GABBR2: variants seen among roughly 807,000 people sequenced by gnomAD.
GABBR2 encodes gamma-aminobutyric acid type B receptor subunit 2, also known as G-protein coupled receptor 51.
In GABBR2, 23 loss-of-function variants were observed where a neutral mutation model predicts 105.6. The ratio of observed to expected loss-of-function variants is 0.22; its 90% CI spans 0.16 to 0.31. GABBR2 has a LOEUF of 0.31. Among genes scored for constraint, GABBR2 ranks in the 10% least tolerant of loss-of-function variants. The probability of loss-of-function intolerance (pLI) is 1.00; values close to 1 mark genes in which losing one functional copy is unlikely to be tolerated. For missense variants in GABBR2, 734 were observed against 1,245.5 expected (o/e 0.59, Z 6.18); for synonymous variants, 478 against 499.7 (o/e 0.96, Z 0.58).
At position 98,592,657 on chromosome 9, in the gene GABBR2, A is replaced by G. The variant is rs78993058; in HGVS notation, c.322-14585T>C. On this transcript the variant is annotated intron_variant, in intron 1 of 18. Coordinates refer to ENST00000259455, the MANE Select transcript of GABBR2 (RefSeq NM_005458.8). ...AGAGATAGTGTAAAAGGCCTTGGAAAGCAGTAATAAGTCATCAGGAGAGTG... is the reference window on the plus strand; with the variant it reads ...AGAGATAGTGTAAAAGGCCTTGGAAGGCAGTAATAAGTCATCAGGAGAGTG... Among the ~76,000 whole-genome samples, 1,247 of 152,362 alleles carry G rather than the reference A, an allele frequency of 8.2e-3. 24 individuals carry two copies. Among genetic ancestry groups the G allele is most frequent in the African/African-American group, 0.028 (1,174 of 41,590 alleles).
intron 13 of GABBR2, among the ~76,000 whole-genome samples, chr9:98,315,541 G>C (rs1830700633): frequency 6.6e-6 from 1 of 152,238 alleles, no homozygotes. Context: ...CAAGCTGTAG[G>C]TGTTGTCTAA....
intron 7 of GABBR2, among the ~76,000 whole-genome samples, chr9:98,407,656 G>A (rs1455213721): frequency 6.6e-6 from 1 of 152,156 alleles, no homozygotes; most frequent in Non-Finnish European, 1.5e-5. Flanking sequence ...ACAGGATGGG[G>A]ATCTAATTTA....
rs933074407 is a variant in GABBR2 at position 98,570,207 on chromosome 9, A to C, written c.459+7728T>G. On this transcript the variant is annotated intron_variant, in intron 2 of 18. Coordinates refer to ENST00000259455, the MANE Select transcript of GABBR2 (RefSeq NM_005458.8). ...GACACAAGCCGAAATGTTCCTTCCC[A>C]GGAAGGTCCTCGTGGGGAGTGCCAA... Among the ~76,000 whole-genome samples the C allele has an allele frequency of 1.8e-4, 28 of 152,296 alleles. 1 individual carries two copies. Among genetic ancestry groups the C allele is most frequent in the Admixed American group, 1.7e-3 (26 of 15,306 alleles).
intron 6 of GABBR2, among the ~76,000 whole-genome samples, chr9:98,469,393 A>G (rs1395511162): frequency 2.0e-5 from 3 of 152,180 alleles, no homozygotes. Context: ...ATCATCTCCC[A>G]CCAGGTCCCT....
At chr9:98,298,369 G>A (rs1360792705) in intron 17 of GABBR2, among the ~76,000 whole-genome samples, 4 of 152,156 alleles carry the variant, frequency 2.6e-5, no homozygotes, top group Non-Finnish European at 5.9e-5. Context: ...GTTAACTGCA[G>A]TTTTTCTCAC....
intron 7 of GABBR2, among the ~76,000 whole-genome samples, chr9:98,406,959 AG>A (rs1257456791): frequency 2.0e-5 from 3 of 152,226 alleles, no homozygotes; most frequent in African/African-American, 7.2e-5. Context: ...GTAAGTGATA[AG>A]GGGATGACCC....
intron 3 of GABBR2, among the ~76,000 whole-genome samples, chr9:98,501,951 G>A (rs957942916): frequency 1.1e-4 from 17 of 152,128 alleles, no homozygotes; most frequent in South Asian, 2.1e-4. Context: ...AGACGAGCGC[G>A]TCTGCCCACA....
At chr9:98,417,076 T>C (rs1832701766) in intron 7 of GABBR2, among the ~76,000 whole-genome samples, 1 of 152,214 alleles carries the variant, frequency 6.6e-6, no homozygotes, top group African/African-American at 2.4e-5. Context: ...TGCCTCCTGC[T>C]GGATGAAGCT....
chr9:98,359,491 A>AT (rs1339134025), intron 13 of GABBR2, among the ~76,000 whole-genome samples: 2 of 152,152 alleles, frequency 1.3e-5, no homozygotes, highest in Non-Finnish European at 2.9e-5. Context: ...ATGAATAAGG[A>AT]TGGGGGACTG....
At chr9:98,434,229 T>C (rs1825863213) in intron 7 of GABBR2, among the ~76,000 whole-genome samples, 1 of 152,224 alleles carries the variant, frequency 6.6e-6, no homozygotes, top group Admixed American at 6.5e-5. Context: ...GGACTTGGAC[T>C]GGCTTCCTTG....
At chr9:98,599,430 G>A (rs1829286319) in intron 1 of GABBR2, among the ~76,000 whole-genome samples, 1 of 152,202 alleles carries the variant, frequency 6.6e-6, no homozygotes, top group Non-Finnish European at 1.5e-5. Flanking sequence ...CTCAACCTGG[G>A]ACCTGCAATG....
chr9:98,481,628 G>A (rs573090697), intron 4 of GABBR2, among the ~76,000 whole-genome samples: 2 of 152,234 alleles, frequency 1.3e-5, no homozygotes, highest in East Asian at 1.9e-4. Context: ...GCCTCTGGTC[G>A]CTCCTTTTCC....
At chr9:98,383,980 TG>T (rs1490348152) in intron 11 of GABBR2, among the ~76,000 whole-genome samples, 3 of 152,148 alleles carry the variant, frequency 2.0e-5, no homozygotes, top group African/African-American at 7.2e-5. Flanking sequence ...CTGAGGCTTG[TG>T]AGCAACAAAT....
intron 11 of GABBR2, among the ~76,000 whole-genome samples, chr9:98,382,485 T>C (rs1381620673): frequency 6.6e-5 from 10 of 152,132 alleles, no homozygotes; most frequent in Admixed American, 6.5e-4. Flanking sequence ...AGCTAATTTT[T>C]TGTATTTTTA....
intron 9 of GABBR2, among the ~76,000 whole-genome samples, chr9:98,390,143 G>A (rs1020534149): frequency 1.3e-5 from 2 of 152,180 alleles, no homozygotes; most frequent in African/African-American, 2.4e-5. Flanking sequence ...GGGAGGCCAA[G>A]GCGGGTGGAT....
At chr9:98,677,100 G>A (rs1830486734) in intron 1 of GABBR2, among the ~76,000 whole-genome samples, 2 of 152,224 alleles carry the variant, frequency 1.3e-5, no homozygotes. Context: ...TAGCACTAAA[G>A]ATGAAATAAT....
intron 1 of GABBR2, chr9:98,607,552 T>A (rs1829446020): frequency 1.5e-6 from 1 of 646,024 alleles, no homozygotes; most frequent in African/African-American, 1.8e-5. Flanking sequence ...AAAGGACCAT[T>A]TACCTGTTGG....
At chr9:98,445,690 G>C (rs960818653) in intron 7 of GABBR2, among the ~76,000 whole-genome samples, 1 of 152,218 alleles carries the variant, frequency 6.6e-6, no homozygotes, top group Non-Finnish European at 1.5e-5. Flanking sequence ...ATTGCTGCAG[G>C]CTGATGGTGT....
At chr9:98,619,119 G>A (rs975734174) in intron 1 of GABBR2, among the ~76,000 whole-genome samples, 1 of 151,910 alleles carries the variant, frequency 6.6e-6, no homozygotes, top group African/African-American at 2.4e-5. Flanking sequence ...TCAATTTTGA[G>A]GGTAAATATT....
Sources: gnomAD v4.1 joint callset for allele counts (sites outside exome capture counted in the v4.1 genomes callset) on GRCh38, gnomAD v4.1.1 for gene constraint, MANE v1.5 for transcripts, NCBI Gene and HGNC (gene_info 2026-07-23, HGNC 2026-07-21) for gene names.